Variants in ECPAS observed in about 807,000 individuals in gnomAD.
ECPAS encodes the protein proteasome adapter and scaffold protein ECM29.
Under a neutral mutation model 255.1 loss-of-function variants are expected in ECPAS, and 70 were observed. The ratio of observed to expected loss-of-function variants is 0.27; its 90% CI spans 0.23 to 0.33. The LOEUF (loss-of-function observed/expected upper bound fraction) is 0.33, where lower values mean the gene tolerates loss of function less well. Among genes scored for constraint, ECPAS ranks in the 10% least tolerant of loss-of-function variants. The probability of loss-of-function intolerance (pLI) is 1.00; values close to 1 mark genes in which losing one functional copy is unlikely to be tolerated. For missense variants in ECPAS, 1,817 were observed against 2,206.4 expected (o/e 0.82, Z 3.54); for synonymous variants, 784 against 775.0 (o/e 1.01, Z -0.19).
intron 6 of ECPAS, among the ~76,000 whole-genome samples, chr9:111,438,471 G>T (rs2098241280): frequency 1.3e-5 from 2 of 152,210 alleles, no homozygotes; most frequent in South Asian, 4.2e-4. Context: ...AGCTGGGTGT[G>T]GTGGTGCACG....
chr9:111,366,369 G>A, intron 47 of ECPAS, 42 bp from the exon 48 acceptor site: 1 of 1,469,586 alleles, frequency 6.8e-7, no homozygotes, highest in Non-Finnish European at 9.3e-7. Flanking sequence ...CAATTATTAA[G>A]AAACAGTCTA....
intron 24 of ECPAS, among the ~76,000 whole-genome samples, chr9:111,406,739 AT>A (rs2098184562): frequency 6.7e-6 from 1 of 149,256 alleles, no homozygotes; most frequent in African/African-American, 2.6e-5. Flanking sequence ...CCCTGTCTCT[AT>A]AAAAAATTAA....
chr9:111,469,255 C>T (rs1024785456), intron 2 of ECPAS, among the ~76,000 whole-genome samples: 5 of 152,090 alleles, frequency 3.3e-5, no homozygotes, highest in East Asian at 1.9e-4. Context: ...ACAAAGCAGC[C>T]GGGTGCAGTG....
In ECPAS at chr9:111,396,600, G is replaced by C. The variant is rs145402431; in HGVS notation, c.2776+430C>G. Among the ~76,000 whole-genome samples, 8 of 152,314 alleles carry C rather than the reference G, an allele frequency of 5.3e-5. No homozygotes were observed. In the East Asian group the frequency reaches 1.5e-3, roughly 29 times the overall value. ...GAGTCTTACTCTGTCGCCCAGGATA[G>C]AGTGCAGTGGCATAATCTCAGCTCA... On this transcript the variant is annotated intron_variant, in intron 25 of 49. Transcript: ENST00000684092.
chr9:111,409,289 T>C (rs1343745927), intron 23 of ECPAS, among the ~76,000 whole-genome samples: 2 of 152,232 alleles, frequency 1.3e-5, no homozygotes, highest in Non-Finnish European at 2.9e-5. Context: ...CCAGGCTCGG[T>C]GGCTCAAGCC....
At chr9:111,430,817 CCAAAA>C in intron 8 of ECPAS, among the ~76,000 whole-genome samples, 189 bp from the exon 9 acceptor site, 1 of 152,302 alleles carries the variant, frequency 6.6e-6, no homozygotes, top group South Asian at 2.1e-4. Flanking sequence ...TGTTTTTAAA[CCAAAA>C]CAAATACAAA....
chr9:111,381,773 T>A (rs147482089), intron 35 of ECPAS, among the ~76,000 whole-genome samples: 1 of 152,210 alleles, frequency 6.6e-6, no homozygotes, highest in Non-Finnish European at 1.5e-5. Context: ...ATATCAAGTA[T>A]CCAAATTTCT....
chr9:111,420,234 A>G (rs1173840882), intron 15 of ECPAS, 114 bp from the exon 16 acceptor site: 1 of 642,180 alleles, frequency 1.6e-6, no homozygotes, highest in Non-Finnish European at 2.7e-6. Context: ...AAACAATTCA[A>G]AATTCTAAGG....
At chr9:111,371,395 T>C (rs1482715787) in intron 43 of ECPAS, among the ~76,000 whole-genome samples, 3 of 152,180 alleles carry the variant, frequency 2.0e-5, no homozygotes, top group African/African-American at 7.2e-5. Context: ...GGAAAATGTA[T>C]CTATCTCCAG....
intron 2 of ECPAS, among the ~76,000 whole-genome samples, chr9:111,463,518 A>C (rs1156862687): frequency 2.6e-5 from 4 of 152,254 alleles, no homozygotes; most frequent in Non-Finnish European, 5.9e-5. Flanking sequence ...GAAACAGCAA[A>C]GAGCCAAGAG....
intron 2 of ECPAS, among the ~76,000 whole-genome samples, chr9:111,466,033 A>C (rs553143054): frequency 3.7e-4 from 55 of 146,802 alleles, no homozygotes; most frequent in South Asian, 1.1e-3. Context: ...ACCCTGTCCC[A>C]AAAAAAAAAA....
chr9:111,456,465 T>G (rs1158013424), intron 2 of ECPAS, among the ~76,000 whole-genome samples: 1 of 152,194 alleles, frequency 6.6e-6, no homozygotes, highest in Non-Finnish European at 1.5e-5. Context: ...CTATTTTCTA[T>G]CAGGTACACA....
intron 12 of ECPAS, 65 bp downstream of exon 12, chr9:111,425,353 G>A: frequency 9.3e-7 from 1 of 1,071,676 alleles, no homozygotes; most frequent in Non-Finnish European, 1.3e-6. Flanking sequence ...TGACAGACCA[G>A]AAATATTATA....
At position 111,399,166 on chromosome 9, in the gene ECPAS, C is replaced by T. The variant is rs13289437; in HGVS notation, c.2653-2013G>A. Among the ~76,000 whole-genome samples, 1,401 of 152,026 alleles carry T rather than the reference C, an allele frequency of 9.2e-3. 9 individuals carry two copies. Among genetic ancestry groups the T allele is most frequent in the Middle Eastern group, 0.037 (11 of 294 alleles). On this transcript the variant is annotated intron_variant, in intron 24 of 49. Transcript: ENST00000684092. ...TCATGTACCCCATAAATATATACAC[C>T]CACCATGTACCTACAAAAACTTAAA...
At chr9:111,409,849 C>G (rs969343320) in intron 23 of ECPAS, among the ~76,000 whole-genome samples, 192 bp downstream of exon 23, 1 of 152,134 alleles carries the variant, frequency 6.6e-6, no homozygotes, top group African/African-American at 2.4e-5. Flanking sequence ...AAAAGATGTG[C>G]ACACTAAGAT....
At chr9:111,463,717 T>C (rs1406991115) in intron 2 of ECPAS, among the ~76,000 whole-genome samples, 2 of 151,730 alleles carry the variant, frequency 1.3e-5, no homozygotes, top group Non-Finnish European at 2.9e-5. Flanking sequence ...TTGACAAAAA[T>C]GCCATTAAGA....
intron 2 of ECPAS, among the ~76,000 whole-genome samples, chr9:111,462,743 T>C (rs951195660): frequency 5.5e-5 from 8 of 146,558 alleles, no homozygotes; most frequent in Non-Finnish European, 1.2e-4. Context: ...ATGGAATTTT[T>C]TTTTTTTTTT....
intron 2 of ECPAS, among the ~76,000 whole-genome samples, chr9:111,455,198 G>C (rs1303672024): frequency 2.0e-5 from 3 of 152,130 alleles, no homozygotes; most frequent in Non-Finnish European, 4.4e-5. Context: ...AGAAACACTT[G>C]CTTTCGGCCT....
intron 41 of ECPAS, 27 bp from the exon 42 acceptor site, chr9:111,372,647 C>T (rs550186734): frequency 1.1e-4 from 177 of 1,555,344 alleles, no homozygotes; most frequent in South Asian, 1.1e-3. Flanking sequence ...AAAATCTTTA[C>T]GATATTTATT....
Sources: allele counts gnomAD v4.1 joint callset (sites outside exome capture counted in the v4.1 genomes callset), GRCh38; gene constraint gnomAD v4.1.1; transcripts MANE v1.5; gene names NCBI Gene and HGNC (gene_info 2026-07-23, HGNC 2026-07-21).